Variants in PFKP observed in about 807,000 individuals in gnomAD.
PFKP encodes phosphofructokinase, platelet, also known as ATP-dependent 6-phosphofructokinase, platelet type.
A neutral mutation model predicts 94.3 loss-of-function variants in PFKP; 101 were observed. The observed-to-expected ratio is 1.07, with a 90% CI of 0.91 to 1.26. The LOEUF is 1.26. Among genes scored for constraint, PFKP ranks in the 50% most tolerant of loss-of-function variants. The probability of loss-of-function intolerance (pLI) is 0.00; values close to 1 mark genes in which losing one functional copy is unlikely to be tolerated. For missense variants in PFKP, 1,145 were observed against 1,103.3 expected (o/e 1.04, Z -0.53); for synonymous variants, 573 against 432.6 (o/e 1.32, Z -4.03).
At chr10:3,135,563 G>A (rs959351051) in intron 20 of PFKP, among the ~76,000 whole-genome samples, 173 bp from the exon 21 acceptor site, 1 of 152,250 alleles carries the variant, frequency 6.6e-6, no homozygotes, top group Non-Finnish European at 1.5e-5. Flanking sequence ...GAGCAGAGCT[G>A]CACGAGGCCA....
At chr10:3,106,426 G>A (rs886470743) in intron 7 of PFKP, among the ~76,000 whole-genome samples, 43 of 145,422 alleles carry the variant, frequency 3.0e-4, no homozygotes, top group Non-Finnish European at 6.0e-4. Context: ...CGGGGCGCCT[G>A]TGGGGCGTCC....
At chr10:3,097,392 G>A (rs575550411) in intron 2 of PFKP, among the ~76,000 whole-genome samples, 31 of 152,214 alleles carry the variant, frequency 2.0e-4, no homozygotes, top group Non-Finnish European at 4.1e-4. Flanking sequence ...GCCCTCCGGG[G>A]GACGGCTACA....
At chr10:3,125,722 AG>A (rs1285258325) in intron 16 of PFKP, among the ~76,000 whole-genome samples, 1 of 152,242 alleles carries the variant, frequency 6.6e-6, no homozygotes, top group African/African-American at 2.4e-5. Context: ...CCTCCTGGGC[AG>A]GCGGTTTCAC....
intron 1 of PFKP, among the ~76,000 whole-genome samples, chr10:3,078,472 G>A (rs1423755776): frequency 6.6e-6 from 1 of 152,196 alleles, no homozygotes; most frequent in African/African-American, 2.4e-5. Context: ...CAGAAGTTCA[G>A]AGGGAGGGCT....
At chr10:3,102,375 C>G (rs1320613224) in intron 4 of PFKP, among the ~76,000 whole-genome samples, 3 of 151,538 alleles carry the variant, frequency 2.0e-5, no homozygotes, top group Admixed American at 1.3e-4. Context: ...TTTCTGAGAG[C>G]CCTGTGTGTA....
intron 2 of PFKP, among the ~76,000 whole-genome samples, chr10:3,097,469 A>C (rs1450898038): frequency 1.3e-5 from 2 of 151,896 alleles, no homozygotes; most frequent in East Asian, 3.9e-4. Flanking sequence ...TAATAATAAT[A>C]ATCCCTAGAG....
chr10:3,068,635 T>C (rs185455492), intron 1 of PFKP: 8 of 984,252 alleles, frequency 8.1e-6, no homozygotes, highest in African/African-American at 5.2e-5. Context: ...ATATTTAACA[T>C]TGAAGAGCGG....
chr10:3,114,584 G>A (rs978076127), intron 13 of PFKP, among the ~76,000 whole-genome samples: 6 of 152,274 alleles, frequency 3.9e-5, no homozygotes, highest in Admixed American at 1.3e-4. Flanking sequence ...CTCTCTGGAT[G>A]GTGAGCAGTG....
intron 2 of PFKP, among the ~76,000 whole-genome samples, chr10:3,088,168 C>A (rs190767727): frequency 1.5e-5 from 2 of 131,228 alleles, no homozygotes; most frequent in Non-Finnish European, 3.2e-5. Flanking sequence ...ACAACAGGCC[C>A]CGGTGTGTGA....
chr10:3,121,139 T>A (rs1837358845), intron 16 of PFKP, among the ~76,000 whole-genome samples: 1 of 152,244 alleles, frequency 6.6e-6, no homozygotes, highest in African/African-American at 2.4e-5. Flanking sequence ...CTGAGCGTTT[T>A]AAACTTTCTT....
At chr10:3,095,266 A>ACGC (rs139046692) in intron 2 of PFKP, among the ~76,000 whole-genome samples, 4 of 152,130 alleles carry the variant, frequency 2.6e-5, no homozygotes, top group African/African-American at 4.8e-5. Context: ...TAGGTGAACT[A>ACGC]GCTTACTCCA....
intron 1 of PFKP, among the ~76,000 whole-genome samples, chr10:3,074,315 A>G (rs1380045654): frequency 6.6e-6 from 1 of 152,130 alleles, no homozygotes; most frequent in Non-Finnish European, 1.5e-5. Context: ...TGTCTTATGA[A>G]AGGGCCCAGG....
intron 17 of PFKP, among the ~76,000 whole-genome samples, chr10:3,130,789 C>G (rs746307946): frequency 2.0e-5 from 3 of 152,170 alleles, no homozygotes; most frequent in Non-Finnish European, 4.4e-5. Context: ...AAACTTCTGA[C>G]CTCGTGATCT....
chr10:3,070,692 T>A (rs930474214), intron 1 of PFKP, among the ~76,000 whole-genome samples: 3 of 152,106 alleles, frequency 2.0e-5, no homozygotes, highest in African/African-American at 7.2e-5. Flanking sequence ...TACGTGATTG[T>A]GATAGGAGCA....
At chr10:3,090,872 A>G (rs941841960) in intron 2 of PFKP, among the ~76,000 whole-genome samples, 11 of 151,946 alleles carry the variant, frequency 7.2e-5, no homozygotes, top group Admixed American at 3.9e-4. Context: ...TATCCAACAG[A>G]TTTTTTTCAC....
At chr10:3,116,363 G>A (rs141687738) in intron 13 of PFKP, among the ~76,000 whole-genome samples, 13 of 152,296 alleles carry the variant, frequency 8.5e-5, no homozygotes, top group Non-Finnish European at 1.2e-4. Flanking sequence ...CTCTTTCTGC[G>A]ATTACCTTAG....
chr10:3,069,344 G>GAAAT, intron 1 of PFKP: 2 of 1,585,626 alleles, frequency 1.3e-6, no homozygotes, highest in Non-Finnish European at 1.7e-6. Context: ...GAGTGAAGTG[G>GAAAT]AAATAGCCTG....
rs1836470384 is a variant in PFKP at position 3,113,497 on chromosome 10, T to A, written c.1350T>A (p.Phe450Leu). 3 of 1,613,070 alleles carry A rather than the reference T, an allele frequency of 1.9e-6. No individual in the cohort carries two copies. The highest frequency in any genetic ancestry group is 2.5e-6 in the Non-Finnish European group (3 of 1,179,968). Residue 450 changes from phenylalanine to leucine, a missense_variant, in exon 13 of 22, where the codon TTT (phenylalanine) becomes TTA (leucine). Physicochemically the swap from Phe to Leu is conservative, Grantham distance 22 (BLOSUM62 0). Transcript: ENST00000381125. ...GGATGCTCGCCATCTATGATGGCTT[T>A]GACGGCTTCGCCAAGGGCCAGGTGA... is the stretch of plus-strand genomic sequence containing the variant. The part of the protein sequence containing the change: ...GHRMLAIYDG[F>L]DGFAKGQIKE...
At chr10:3,092,517 C>T (rs1834123954) in intron 2 of PFKP, among the ~76,000 whole-genome samples, 2 of 152,052 alleles carry the variant, frequency 1.3e-5, no homozygotes, top group Non-Finnish European at 2.9e-5. Flanking sequence ...TTCAGAGCAG[C>T]TGGGGGAGAG....
Sources: gnomAD v4.1 joint callset for allele counts (sites outside exome capture counted in the v4.1 genomes callset) on GRCh38, gnomAD v4.1.1 for gene constraint, MANE v1.5 for transcripts, NCBI Gene and HGNC (gene_info 2026-07-23, HGNC 2026-07-21) for gene names.